Variants in MSRA observed in about 807,000 individuals in gnomAD.
MSRA encodes mitochondrial peptide methionine sulfoxide reductase.
In MSRA, 54 loss-of-function variants were observed where a neutral mutation model predicts 31.3. That is an observed-to-expected ratio of 1.73 (90% CI 1.39 to 2.17). MSRA has a LOEUF of 2.17. Ranked by LOEUF, MSRA falls within the 30% of genes most tolerant of loss-of-function variation. The pLI is 0.00. For missense variants in MSRA, 507 were observed against 300.9 expected (o/e 1.69, Z -5.07); for synonymous variants, 169 against 116.5 (o/e 1.45, Z -2.90).
intron 2 of MSRA, among the ~76,000 whole-genome samples, chr8:10,234,145 A>T (rs1279035690): frequency 2.6e-5 from 4 of 152,264 alleles, no homozygotes; most frequent in Admixed American, 2.0e-4. Flanking sequence ...TTACTATAAA[A>T]CCCTTTTAAA....
At chr8:10,066,523 C>G (rs1797461812) in intron 1 of MSRA, among the ~76,000 whole-genome samples, 1 of 152,054 alleles carries the variant, frequency 6.6e-6, no homozygotes, top group Non-Finnish European at 1.5e-5. Context: ...ATCTCCAGTT[C>G]AGCTGATATA....
chr8:10,308,315 C>G (rs1037004027), intron 4 of MSRA, among the ~76,000 whole-genome samples: 1 of 152,200 alleles, frequency 6.6e-6, no homozygotes, highest in Non-Finnish European at 1.5e-5. Flanking sequence ...ATTAAAACGT[C>G]TTTAATCAAA....
chr8:10,132,096 C>G (rs1801937064), intron 1 of MSRA, among the ~76,000 whole-genome samples: 1 of 152,178 alleles, frequency 6.6e-6, no homozygotes. Context: ...TGACTCCCAC[C>G]TTGCCAATAC....
At chr8:10,213,736 A>T (rs187342531) in intron 2 of MSRA, among the ~76,000 whole-genome samples, 1 of 151,950 alleles carries the variant, frequency 6.6e-6, no homozygotes, top group Non-Finnish European at 1.5e-5. Flanking sequence ...GTGGATGGAC[A>T]CTTAGGTTGC....
At chr8:10,270,803 T>C (rs1355408478) in intron 3 of MSRA, among the ~76,000 whole-genome samples, 1 of 152,238 alleles carries the variant, frequency 6.6e-6, no homozygotes, top group Non-Finnish European at 1.5e-5. Context: ...CTTCGGGCTT[T>C]TCTTCAAAAG....
At chr8:10,348,577 C>T (rs1803935765) in intron 5 of MSRA, among the ~76,000 whole-genome samples, 1 of 151,884 alleles carries the variant, frequency 6.6e-6, no homozygotes, top group African/African-American at 2.4e-5. Flanking sequence ...ACCGTGTTGG[C>T]CAGGATGGTC....
At chr8:10,208,389 C>G (rs931348158) in intron 2 of MSRA, among the ~76,000 whole-genome samples, 3 of 152,144 alleles carry the variant, frequency 2.0e-5, no homozygotes, top group African/African-American at 7.2e-5. Flanking sequence ...AGGCCAATCC[C>G]TGAGTGATAT....
chr8:10,319,419 C>G (rs747964784), intron 4 of MSRA, among the ~76,000 whole-genome samples: 1 of 152,134 alleles, frequency 6.6e-6, no homozygotes, highest in Non-Finnish European at 1.5e-5. Flanking sequence ...TGCAGGACTC[C>G]TGCTATGTGC....
chr8:10,145,479 C>T (rs1164856123), intron 1 of MSRA, among the ~76,000 whole-genome samples: 6 of 152,118 alleles, frequency 3.9e-5, no homozygotes, highest in African/African-American at 1.4e-4. Flanking sequence ...TTTTAGGTTG[C>T]TTGCCGCCTG....
chr8:10,127,781 G>C (rs1801605664), intron 1 of MSRA, among the ~76,000 whole-genome samples: 1 of 152,204 alleles, frequency 6.6e-6, no homozygotes, highest in Non-Finnish European at 1.5e-5. Flanking sequence ...GCCAGAGTTT[G>C]AATGAGTGCA....
intron 1 of MSRA, among the ~76,000 whole-genome samples, chr8:10,112,951 AC>A (rs1222655444): frequency 6.6e-6 from 1 of 152,118 alleles, no homozygotes; most frequent in East Asian, 1.9e-4. Context: ...ATTCCTGACC[AC>A]CCCGTCTAAC....
chr8:10,070,421 A>T (rs910858683), intron 1 of MSRA, among the ~76,000 whole-genome samples: 1 of 152,166 alleles, frequency 6.6e-6, no homozygotes, highest in Non-Finnish European at 1.5e-5. Context: ...TTTTTCAATT[A>T]AGTTTTAAAT....
At chr8:10,120,610 AC>A (rs1801038392) in intron 1 of MSRA, among the ~76,000 whole-genome samples, 1 of 152,252 alleles carries the variant, frequency 6.6e-6, no homozygotes, top group African/African-American at 2.4e-5. Context: ...ATTTCTTGGA[AC>A]TATGCTGGAT....
intron 4 of MSRA, among the ~76,000 whole-genome samples, chr8:10,315,857 A>T (rs991105696): frequency 6.6e-6 from 1 of 152,250 alleles, no homozygotes; most frequent in South Asian, 2.1e-4. Context: ...TAGGACGCAT[A>T]ATAAGTAAAA....
intron 5 of MSRA, among the ~76,000 whole-genome samples, chr8:10,425,730 C>A (rs1809116127): frequency 6.6e-6 from 1 of 152,266 alleles, no homozygotes. Context: ...GGTAGGTCCT[C>A]TGAGGACGAT....
chr8:10,096,023 C>T, intron 1 of MSRA: 1 of 1,454,190 alleles, frequency 6.9e-7, no homozygotes, highest in Non-Finnish European at 9.1e-7. Context: ...AGAAAGACAT[C>T]CTTCGGAATG....
intron 1 of MSRA, among the ~76,000 whole-genome samples, chr8:10,071,458 C>CTTTTTTTTTTTT (rs77512999): frequency 7.0e-5 from 9 of 129,262 alleles, no homozygotes; most frequent in Non-Finnish European, 9.8e-5. Flanking sequence ...TTTTAATTTT[C>CTTTTTTTTTTTT]TTTTTTTTTT....
chr8:10,191,346 G>A (rs541223420), intron 1 of MSRA, among the ~76,000 whole-genome samples: 1 of 152,078 alleles, frequency 6.6e-6, no homozygotes, highest in Non-Finnish European at 1.5e-5. Context: ...CCCCATTGCA[G>A]TTAGGCCTTT....
intron 1 of MSRA, among the ~76,000 whole-genome samples, chr8:10,142,799 G>A (rs17151193): frequency 0.21 from 31,624 of 152,172 alleles, 3,619 homozygotes; most frequent in East Asian, 0.39. Flanking sequence ...AGCCATAATA[G>A]TTTTAAAGTG....
Sources: allele counts gnomAD v4.1 joint callset (sites outside exome capture counted in the v4.1 genomes callset), GRCh38; gene constraint gnomAD v4.1.1; transcripts MANE v1.5; gene names NCBI Gene and HGNC (gene_info 2026-07-23, HGNC 2026-07-21).